The following WDFY3 variants were observed in gnomAD, a reference collection of about 807,000 sequenced individuals.
WDFY3 encodes the protein WD repeat and FYVE domain containing 3, also known as WD repeat and FYVE domain-containing protein 3.
WDFY3 carries 66 observed loss-of-function variants against 409.6 expected under a neutral mutation model. The ratio of observed to expected loss-of-function variants is 0.16; its 90% CI spans 0.13 to 0.20. The LOEUF (loss-of-function observed/expected upper bound fraction) is 0.20. Among genes scored for constraint, WDFY3 ranks in the 10% least tolerant of loss-of-function variants. The probability of loss-of-function intolerance (pLI) is 1.00; values close to 1 mark genes in which losing one functional copy is unlikely to be tolerated. For missense variants in WDFY3, 3,031 were observed against 4,298.1 expected, an observed-to-expected ratio of 0.71 and a Z score of 8.24; for synonymous variants, 1,521 against 1,537.1, an observed-to-expected ratio of 0.99 and a Z score of 0.25.
At chr4:84,870,084 G>A (rs977745622) in intron 3 of WDFY3, among the ~76,000 whole-genome samples, 1 of 152,084 alleles carries the variant, frequency 6.6e-6, no homozygotes, top group Non-Finnish European at 1.5e-5. Flanking sequence ...AATCATTTGC[G>A]ATACTGAAAA....
At chr4:84,749,052 T>C (rs1740022346) in intron 36 of WDFY3, among the ~76,000 whole-genome samples, 1 of 151,962 alleles carries the variant, frequency 6.6e-6, no homozygotes, top group African/African-American at 2.4e-5. Flanking sequence ...CAACACTGGC[T>C]ATGGCTAATT....
chr4:84,792,419 T>C (rs148970987), intron 21 of WDFY3, among the ~76,000 whole-genome samples: 5 of 152,324 alleles, frequency 3.3e-5, no homozygotes, highest in South Asian at 2.1e-4. Flanking sequence ...TCGTAGACTG[T>C]AAGTCTTCTC....
intron 1 of WDFY3, among the ~76,000 whole-genome samples, chr4:84,944,283 G>A (rs1217963152): frequency 1.3e-5 from 2 of 150,960 alleles, no homozygotes; most frequent in Non-Finnish European, 3.0e-5. Flanking sequence ...CCAGAACTCT[G>A]GGAGGCTGAG....
At chr4:84,834,133 G>A (rs1051199790) in intron 7 of WDFY3, among the ~76,000 whole-genome samples, 6 of 152,138 alleles carry the variant, frequency 3.9e-5, no homozygotes, top group South Asian at 2.1e-4. Context: ...TGTGATTAGC[G>A]AGACAAATGC....
chr4:84,933,803 C>T (rs4272004), intron 1 of WDFY3, among the ~76,000 whole-genome samples: 101,740 of 151,948 alleles, frequency 0.67, 36,155 homozygotes, highest in African/African-American at 0.92. Flanking sequence ...CTGGCTTATT[C>T]TGCTTAACAT....
chr4:84,905,736 A>G, intron 2 of WDFY3, among the ~76,000 whole-genome samples: 1 of 152,130 alleles, frequency 6.6e-6, no homozygotes, highest in East Asian at 1.9e-4. Context: ...TGGCCCTTTA[A>G]AATTCTAGAT....
intron 24 of WDFY3, among the ~76,000 whole-genome samples, chr4:84,785,584 G>A (rs1747409935): frequency 6.6e-6 from 1 of 152,068 alleles, no homozygotes; most frequent in Non-Finnish European, 1.5e-5. Flanking sequence ...TAGAATGTAG[G>A]AAATATAAAA....
chr4:84,780,000 C>T, intron 26 of WDFY3, 108 bp downstream of exon 26: 6 of 1,239,430 alleles, frequency 4.8e-6, no homozygotes, highest in Non-Finnish European at 5.4e-6. Context: ...TTTAAGTTTC[C>T]TTGGACAATA....
At chr4:84,756,110 G>A (rs1348681613) in intron 33 of WDFY3, among the ~76,000 whole-genome samples, 1 of 152,138 alleles carries the variant, frequency 6.6e-6, no homozygotes, top group Non-Finnish European at 1.5e-5. Flanking sequence ...ATCTTTAACA[G>A]TCTTCAATTA....
chr4:84,853,540 T>G (rs1402637490), intron 4 of WDFY3, among the ~76,000 whole-genome samples: 1 of 152,144 alleles, frequency 6.6e-6, no homozygotes, highest in Non-Finnish European at 1.5e-5. Flanking sequence ...CAATGTATAT[T>G]TTGCTCCTAA....
chr4:84,696,633 G>A, intron 57 of WDFY3, 99 bp downstream of exon 57: 1 of 1,215,794 alleles, frequency 8.2e-7, no homozygotes, highest in Admixed American at 2.0e-5. Context: ...GGCTGTATTA[G>A]TAACAAACAG....
chr4:84,833,706 GAGAACAGAAC>G (rs1157470035), intron 7 of WDFY3, among the ~76,000 whole-genome samples: 72 of 151,148 alleles, frequency 4.8e-4, no homozygotes, highest in African/African-American at 1.7e-3. Context: ...GAGAAGAGAA[GAGAACAGAAC>G]AGAAGAGAAC....
chr4:84,794,229 T>C (rs938057075), intron 21 of WDFY3, among the ~76,000 whole-genome samples: 7 of 152,190 alleles, frequency 4.6e-5, no homozygotes, highest in Non-Finnish European at 8.8e-5. Context: ...ATGATAATCC[T>C]TACCAAAATA....
At chr4:84,829,517 T>C (rs780648858) in intron 8 of WDFY3, among the ~76,000 whole-genome samples, 1 of 152,118 alleles carries the variant, frequency 6.6e-6, no homozygotes, top group Admixed American at 6.6e-5. Context: ...TATATTGATA[T>C]AGTAACAAGA....
chr4:84,681,266 T>C (rs1470994000), intron 64 of WDFY3, among the ~76,000 whole-genome samples: 1 of 152,178 alleles, frequency 6.6e-6, no homozygotes, highest in East Asian at 1.9e-4. Context: ...ATCTCACTCA[T>C]TCATCTCCTC....
In WDFY3 at chr4:84,966,511, G is replaced by C. The variant is rs1177432893; in HGVS notation, c.-528C>G. 6.3e-6 allele frequency: 1 copy of C among 159,286 alleles called. No homozygotes were observed. The highest frequency in any genetic ancestry group is 6.5e-5 in the Admixed American group (1 of 15,336). 9.9% of individuals were successfully genotyped at this position (159,286 alleles called of 1,614,324 possible). The stretch of plus-strand genomic sequence containing the variant: ...CTCCGCCGCGTCCTCGTCCTCGCTG[G>C]GTCCCCGCCGCCGCCGCCTCAGCCT... On this transcript the variant is annotated 5_prime_UTR_variant, in exon 1 of 68. Transcript: ENST00000295888.
intron 3 of WDFY3, among the ~76,000 whole-genome samples, chr4:84,888,254 G>A (rs928655215): frequency 1.3e-5 from 2 of 152,150 alleles, no homozygotes; most frequent in Non-Finnish European, 2.9e-5. Flanking sequence ...AAAAACTATT[G>A]TTGAGGTAGT....
intron 1 of WDFY3, among the ~76,000 whole-genome samples, chr4:84,959,444 A>G (rs1774648910): frequency 6.6e-6 from 1 of 152,332 alleles, no homozygotes; most frequent in East Asian, 1.9e-4. Context: ...GACCTCTCTA[A>G]TACTTCAGCA....
At chr4:84,818,673 G>A (rs1209227106) in intron 12 of WDFY3, among the ~76,000 whole-genome samples, 1 of 151,960 alleles carries the variant, frequency 6.6e-6, no homozygotes, top group Non-Finnish European at 1.5e-5. Context: ...TTACCTCCTG[G>A]TTGTCAGTTA....
Sources: gnomAD v4.1 joint callset for allele counts (sites outside exome capture counted in the v4.1 genomes callset) on GRCh38, gnomAD v4.1.1 for gene constraint, MANE v1.5 for transcripts, NCBI Gene and HGNC (gene_info 2026-07-23, HGNC 2026-07-21) for gene names.